The following MDGA2 variants were observed in gnomAD, a reference collection of about 807,000 sequenced individuals.
The protein encoded by MDGA2 is MAM domain containing glycosylphosphatidylinositol anchor 2, also known as MAM domain-containing glycosylphosphatidylinositol anchor protein 2.
MDGA2 carries 40 observed loss-of-function variants against 117.8 expected under a neutral mutation model. The observed-to-expected ratio is 0.34, with a 90% CI of 0.26 to 0.44. The LOEUF (loss-of-function observed/expected upper bound fraction) is 0.44. Among genes scored for constraint, MDGA2 ranks in the 20% least tolerant of loss-of-function variants. The pLI is 1.00. For synonymous variants in MDGA2, 452 were observed against 439.0 expected, an observed-to-expected ratio of 1.03 and a Z score of -0.37; for missense variants, 1,123 against 1,250.6, an observed-to-expected ratio of 0.90 and a Z score of 1.54.
intron 1 of MDGA2, among the ~76,000 whole-genome samples, chr14:47,637,311 T>C (rs763131955): frequency 2.0e-5 from 3 of 152,206 alleles, no homozygotes; most frequent in Non-Finnish European, 4.4e-5. Flanking sequence ...CTGGTTTTGT[T>C]GGTTGTTAAG....
At chr14:47,034,204 G>A (rs1446754797) in intron 8 of MDGA2, among the ~76,000 whole-genome samples, 1 of 152,088 alleles carries the variant, frequency 6.6e-6, no homozygotes, top group Non-Finnish European at 1.5e-5. Context: ...AGGGCATTCT[G>A]TAAAAACCAA....
intron 1 of MDGA2, among the ~76,000 whole-genome samples, chr14:47,419,872 C>G (rs1892543936): frequency 6.6e-6 from 1 of 151,932 alleles, no homozygotes; most frequent in Non-Finnish European, 1.5e-5. Context: ...GGTAGTCATA[C>G]TTATCAAAGG....
chr14:47,117,284 T>A (rs1881383603), intron 5 of MDGA2, among the ~76,000 whole-genome samples: 2 of 152,098 alleles, frequency 1.3e-5, no homozygotes, highest in African/African-American at 2.4e-5. Flanking sequence ...GTGAAGAAAC[T>A]GGAAGCTTCG....
chr14:47,423,556 C>CTG (rs34672294), intron 1 of MDGA2, among the ~76,000 whole-genome samples: 92,128 of 150,296 alleles, frequency 0.61, 28,145 homozygotes, highest in Middle Eastern at 0.73. Context: ...ATCCCCACGC[C>CTG]TGTGTGTGTG....
chr14:46,998,647 C>A (rs1180900874), intron 8 of MDGA2, among the ~76,000 whole-genome samples: 1 of 151,882 alleles, frequency 6.6e-6, no homozygotes, highest in Non-Finnish European at 1.5e-5. Context: ...CTATTCTTTG[C>A]AAAATAAAAA....
chr14:46,892,118 G>A (rs1380163939), intron 10 of MDGA2, among the ~76,000 whole-genome samples: 1 of 151,516 alleles, frequency 6.6e-6, no homozygotes, highest in Admixed American at 6.6e-5. Flanking sequence ...ATAAAAATGT[G>A]TTCACAAAGC....
At chr14:47,092,927 T>C (rs1879747662) in intron 6 of MDGA2, among the ~76,000 whole-genome samples, 1 of 152,074 alleles carries the variant, frequency 6.6e-6, no homozygotes, top group Non-Finnish European at 1.5e-5. Flanking sequence ...GACACCTCTC[T>C]TTGATCTACA....
intron 5 of MDGA2, among the ~76,000 whole-genome samples, chr14:47,103,480 T>C (rs993047970): frequency 3.9e-5 from 6 of 152,236 alleles, no homozygotes; most frequent in African/African-American, 1.4e-4. Flanking sequence ...TTGACTCTCA[T>C]GAAGCCCAAG....
At chr14:47,006,069 T>G (rs1487767281) in intron 8 of MDGA2, among the ~76,000 whole-genome samples, 2 of 151,644 alleles carry the variant, frequency 1.3e-5, no homozygotes, top group Admixed American at 1.3e-4. Context: ...TGGTTGTTCC[T>G]GGAACATAAC....
chr14:47,377,103 G>A (rs376625865), intron 1 of MDGA2, among the ~76,000 whole-genome samples: 8 of 152,114 alleles, frequency 5.3e-5, no homozygotes, highest in African/African-American at 1.9e-4. Flanking sequence ...GAGGAGAAAT[G>A]GGTACTTAGA....
At chr14:47,296,043 T>A (rs1594779439) in intron 2 of MDGA2, among the ~76,000 whole-genome samples, 1 of 152,152 alleles carries the variant, frequency 6.6e-6, no homozygotes, top group East Asian at 1.9e-4. Context: ...AGGTGCAGAC[T>A]AATGTAATTT....
At chr14:47,330,989 C>A (rs966272268) in intron 1 of MDGA2, among the ~76,000 whole-genome samples, 2 of 151,864 alleles carry the variant, frequency 1.3e-5, no homozygotes, top group East Asian at 3.9e-4. Flanking sequence ...AACTTGGACA[C>A]TATTAATGAA....
At chr14:47,620,537 T>C (rs1897030443) in intron 1 of MDGA2, among the ~76,000 whole-genome samples, 1 of 152,218 alleles carries the variant, frequency 6.6e-6, no homozygotes, top group Non-Finnish European at 1.5e-5. Flanking sequence ...CTTCAAATAC[T>C]GATGAGAGGG....
rs187099933 is a variant in MDGA2, at chr14:47,026,898, G to A, written c.1819+8113C>T. Among the ~76,000 whole-genome samples the A allele has an allele frequency of 3.0e-4, 46 of 152,278 alleles. No individual in the cohort carries two copies. The East Asian group carries it at 8.5e-3, about 28-fold the overall frequency. Reference sequence around the variant, plus strand: ...TATTGAAAATTTAACTCAGTGGGGCGTAGTGGTTCACACCTTCAATCCCAG... The same window carrying A: ...TATTGAAAATTTAACTCAGTGGGGCATAGTGGTTCACACCTTCAATCCCAG... On this transcript the variant is annotated intron_variant, in intron 8 of 16. Transcript: ENST00000399232.
At chr14:47,010,489 AT>A (rs1333805454) in intron 8 of MDGA2, among the ~76,000 whole-genome samples, 7 of 152,020 alleles carry the variant, frequency 4.6e-5, no homozygotes, top group African/African-American at 9.7e-5. Flanking sequence ...TAAAGTAATC[AT>A]TTTTTTCTTT....
At chr14:47,643,224 T>A (rs912022348) in intron 1 of MDGA2, among the ~76,000 whole-genome samples, 27 of 152,044 alleles carry the variant, frequency 1.8e-4, no homozygotes, top group African/African-American at 5.8e-4. Flanking sequence ...AAGCAAAAAA[T>A]TTTTAAAAGG....
At chr14:46,895,889 C>T (rs1255125095) in intron 10 of MDGA2, among the ~76,000 whole-genome samples, 2 of 152,150 alleles carry the variant, frequency 1.3e-5, no homozygotes, top group Non-Finnish European at 1.5e-5. Context: ...CTTCCTTTCA[C>T]AGTCTTTCAA....
At chr14:47,366,347 T>C (rs1031337330) in intron 1 of MDGA2, among the ~76,000 whole-genome samples, 2 of 149,362 alleles carry the variant, frequency 1.3e-5, no homozygotes, top group Admixed American at 1.3e-4. Context: ...CTGGCTCTGA[T>C]GTATTAGTCT....
At chr14:46,995,763 G>T (rs560774094) in intron 8 of MDGA2, among the ~76,000 whole-genome samples, 2 of 151,736 alleles carry the variant, frequency 1.3e-5, no homozygotes, top group Non-Finnish European at 2.9e-5. Flanking sequence ...TCAAATGTTT[G>T]TAATACAATA....
Sources: allele counts gnomAD v4.1 joint callset (sites outside exome capture counted in the v4.1 genomes callset), GRCh38; gene constraint gnomAD v4.1.1; transcripts MANE v1.5; gene names NCBI Gene and HGNC (gene_info 2026-07-23, HGNC 2026-07-21).